Variants in DNAH12 observed in about 807,000 individuals in gnomAD.
DNAH12 encodes dynein axonemal heavy chain 12.
In DNAH12, 285 loss-of-function variants were observed where a neutral mutation model predicts 371.5. The ratio of observed to expected loss-of-function variants is 0.77; its 90% CI spans 0.70 to 0.85. The LOEUF (loss-of-function observed/expected upper bound fraction) is 0.85. Ranked by LOEUF, DNAH12 falls within the 40% of genes least tolerant of loss-of-function variation. DNAH12 has a pLI of 0.00. For synonymous variants in DNAH12, 1,200 were observed against 1,213.0 expected (o/e 0.99, Z 0.22); for missense variants, 3,611 against 3,689.4 (o/e 0.98, Z 0.55).
intron 2 of DNAH12, among the ~76,000 whole-genome samples, chr3:57,534,983 G>A (rs2068979203): frequency 6.6e-6 from 1 of 152,152 alleles, no homozygotes; most frequent in Admixed American, 6.5e-5. Flanking sequence ...TATGTTTTAG[G>A]CATAGGCTTA....
intron 13 of DNAH12, among the ~76,000 whole-genome samples, chr3:57,480,063 C>G (rs542807099): frequency 2.0e-5 from 3 of 152,160 alleles, no homozygotes; most frequent in African/African-American, 7.2e-5. Context: ...CAAGAAACAA[C>G]TAAGATCAGA....
chr3:57,536,022 A>C (rs1292739655), intron 2 of DNAH12, among the ~76,000 whole-genome samples: 1 of 151,820 alleles, frequency 6.6e-6, no homozygotes, highest in African/African-American at 2.4e-5. Context: ...TTTTTAATAG[A>C]GACGGGGTTT....
rs745758202 is a variant in DNAH12 at position 57,309,807 on chromosome 3, G to A, written c.10944C>T (p.Asn3648=). The change falls in exon 68 of 74, where the codon AAC becomes AAT. Residue 3648 remains asparagine, a synonymous_variant. Transcript: ENST00000495027. Reference sequence around the variant, plus strand: ...GTTGAAGATCCTTGGAGATGTCAACGTTTTCATGTAATCCAAATATCTCAG... The same window carrying A: ...GTTGAAGATCCTTGGAGATGTCAACATTTTCATGTAATCCAAATATCTCAG... ...QHPEIFGLHE[N]VDISKDLQQT... is the part of the protein sequence containing the mutation. 27 of 1,551,016 alleles carry A rather than the reference G, an allele frequency of 1.7e-5. No individual in the cohort carries two copies. The highest frequency in any genetic ancestry group is 1.7e-4 in the Middle Eastern group (1 of 6,002).
intron 30 of DNAH12, among the ~76,000 whole-genome samples, chr3:57,435,027 G>A (rs975654740): frequency 2.0e-5 from 3 of 152,026 alleles, no homozygotes; most frequent in Non-Finnish European, 4.4e-5. Context: ...ACTCAGTTTG[G>A]CATCAAGTAT....
At chr3:57,418,410 C>G (rs2064453685) in intron 37 of DNAH12, among the ~76,000 whole-genome samples, 1 of 134,916 alleles carries the variant, frequency 7.4e-6, no homozygotes, top group South Asian at 2.5e-4. Context: ...CATAGTGGTG[C>G]ATGCTTGTAG....
chr3:57,348,774 G>A (rs2062604588), intron 60 of DNAH12, among the ~76,000 whole-genome samples: 1 of 152,170 alleles, frequency 6.6e-6, no homozygotes, highest in Non-Finnish European at 1.5e-5. Context: ...TCAGTATTGT[G>A]AAATTGTTAA....
At chr3:57,525,154 C>CAA (rs5849213) in intron 2 of DNAH12, among the ~76,000 whole-genome samples, 1,910 of 109,414 alleles carry the variant, frequency 0.017, 22 homozygotes, top group African/African-American at 0.019. Flanking sequence ...AGAGGAGAAA[C>CAA]AAAAAAAAAA....
intron 12 of DNAH12, among the ~76,000 whole-genome samples, chr3:57,489,015 TA>T (rs1276529323): frequency 6.6e-6 from 1 of 152,030 alleles, no homozygotes; most frequent in Non-Finnish European, 1.5e-5. Flanking sequence ...AAAATCTGTT[TA>T]AACAAAATAA....
intron 2 of DNAH12, chr3:57,530,609 C>A: frequency 1.7e-6 from 1 of 594,712 alleles, no homozygotes. Context: ...TCTTGCAGCC[C>A]AGGGACAATG....
intron 25 of DNAH12, among the ~76,000 whole-genome samples, chr3:57,449,394 G>C (rs369155286): frequency 6.6e-6 from 1 of 152,212 alleles, no homozygotes; most frequent in East Asian, 1.9e-4. Flanking sequence ...CATGGAGCAG[G>C]GGGTGGTGCT....
chr3:57,330,226 G>T (rs1377589622), intron 62 of DNAH12, among the ~76,000 whole-genome samples: 5 of 151,430 alleles, frequency 3.3e-5, no homozygotes, highest in African/African-American at 7.3e-5. Flanking sequence ...TATACCCAAA[G>T]GACTATAAAT....
At chr3:57,297,161 A>G (rs2061249552) in intron 70 of DNAH12, 177 bp from the exon 71 acceptor site, 3 of 601,964 alleles carry the variant, frequency 5.0e-6, no homozygotes, top group Admixed American at 3.2e-5. Flanking sequence ...TTCCCCTTCT[A>G]CTCTTCTTGG....
At chr3:57,514,393 CAAAAAAAA>C (rs768971639) in intron 4 of DNAH12, among the ~76,000 whole-genome samples, 5 of 77,242 alleles carry the variant, frequency 6.5e-5, no homozygotes, top group African/African-American at 2.3e-4. Flanking sequence ...GACTCTGTCT[CAAAAAAAA>C]AAAAAAGAAA....
chr3:57,367,881 T>G (rs968514551), intron 56 of DNAH12, among the ~76,000 whole-genome samples, 165 bp downstream of exon 56: 2 of 152,188 alleles, frequency 1.3e-5, no homozygotes, highest in Non-Finnish European at 2.9e-5. Context: ...CTGGCTAAGG[T>G]TCATTCCTGA....
chr3:57,315,395 C>T (rs1349465779), intron 65 of DNAH12, among the ~76,000 whole-genome samples: 1 of 150,106 alleles, frequency 6.7e-6, no homozygotes, highest in Non-Finnish European at 1.5e-5. Flanking sequence ...GTTCTAAGTA[C>T]ATCAAAGCAT....
chr3:57,550,317 AAAAAC>A, the DNAH12 span, among the ~76,000 whole-genome samples: 7 of 152,142 alleles, frequency 4.6e-5, no homozygotes, highest in Non-Finnish European at 1.0e-4. Flanking sequence ...CCCTGCTTTT[AAAAAC>A]AAAACAAAAC....
upstream of DNAH12, among the ~76,000 whole-genome samples, chr3:57,545,328 T>C (rs1428676087): frequency 6.6e-6 from 1 of 151,044 alleles, no homozygotes; most frequent in African/African-American, 2.4e-5. Context: ...TCTTTTCTTT[T>C]TTTTTTTTTT....
At chr3:57,505,649 C>A (rs1051508327) in intron 8 of DNAH12, among the ~76,000 whole-genome samples, 1 of 152,020 alleles carries the variant, frequency 6.6e-6, no homozygotes, top group East Asian at 1.9e-4. Context: ...CCATGTTGGC[C>A]AGGCTGGTCT....
intron 55 of DNAH12, among the ~76,000 whole-genome samples, chr3:57,369,554 A>G (rs2063127317): frequency 6.6e-6 from 1 of 151,862 alleles, no homozygotes; most frequent in South Asian, 2.1e-4. Context: ...AGCTGACTAG[A>G]TGTTTTCTTT....
Sources: allele counts gnomAD v4.1 joint callset (sites outside exome capture counted in the v4.1 genomes callset), GRCh38; gene constraint gnomAD v4.1.1; transcripts MANE v1.5; gene names NCBI Gene and HGNC (gene_info 2026-07-23, HGNC 2026-07-21).